KLHL20: variants seen among roughly 807,000 people sequenced by gnomAD.
KLHL20 encodes kelch like family member 20, also known as kelch-like protein 20.
In KLHL20, 29 loss-of-function variants were observed where a neutral mutation model predicts 69.5. That is an observed-to-expected ratio of 0.42 (90% CI 0.31 to 0.57). The LOEUF (loss-of-function observed/expected upper bound fraction) is 0.57. Among genes scored for constraint, KLHL20 ranks in the 20% least tolerant of loss-of-function variants. The pLI, the probability that KLHL20 is intolerant of heterozygous loss-of-function variation, is 0.18. For synonymous variants in KLHL20, 253 were observed against 265.2 expected (o/e 0.95, Z 0.45); for missense variants, 419 against 776.0 (o/e 0.54, Z 5.47).
intron 3 of KLHL20, among the ~76,000 whole-genome samples, chr1:173,748,131 A>G (rs965597949): frequency 2.0e-5 from 3 of 152,082 alleles, no homozygotes; most frequent in Non-Finnish European, 4.4e-5. Context: ...GAAAAACAGA[A>G]TAACCCTATA....
intron 8 of KLHL20, among the ~76,000 whole-genome samples, chr1:173,770,447 C>T (rs1433749624): frequency 2.0e-5 from 3 of 152,122 alleles, no homozygotes; most frequent in African/African-American, 7.2e-5. Flanking sequence ...CCTGTAATCC[C>T]AGCACTTCTG....
intron 8 of KLHL20, among the ~76,000 whole-genome samples, chr1:173,773,738 G>A (rs1318557836): frequency 2.0e-5 from 3 of 151,774 alleles, no homozygotes; most frequent in Non-Finnish European, 2.9e-5. Flanking sequence ...TGCCAGCCGG[G>A]CACGGTCACT....
At chr1:173,744,137 C>A (rs1430969857) in intron 3 of KLHL20, among the ~76,000 whole-genome samples, 1 of 152,038 alleles carries the variant, frequency 6.6e-6, no homozygotes, top group East Asian at 1.9e-4. Flanking sequence ...AATGTTTGTC[C>A]ACAGCCTCAC....
rs1384756251 is a variant in KLHL20 at position 173,760,622 on chromosome 1, A to G, written c.1151+3463A>G. 5.3e-5 allele frequency among the ~76,000 whole-genome samples: 8 copies of G among 152,244 alleles called. No individual in the cohort carries two copies. In the East Asian group the frequency reaches 1.5e-3, roughly 29 times the overall value. ...AATTTCGTATCCAGTGAAACTAAGC[A>G]TCGTATGTGAACGAAAGATAAGCCG... is the stretch of plus-strand genomic sequence containing the variant. On this transcript the variant is annotated intron_variant, in intron 7 of 11. Coordinates refer to ENST00000209884, the MANE Select transcript of KLHL20 (RefSeq NM_014458.4).
At chr1:173,739,598 G>A (rs1436618100) in intron 3 of KLHL20, among the ~76,000 whole-genome samples, 1 of 150,530 alleles carries the variant, frequency 6.6e-6, no homozygotes, top group Non-Finnish European at 1.5e-5. Context: ...GTTCATAGTA[G>A]CCTTGAGTTA....
In KLHL20 at chr1:173,784,213, T is replaced by C. The variant is rs1347551776; in HGVS notation, c.1746-950T>C. 2.0e-5 allele frequency among the ~76,000 whole-genome samples: 3 copies of C among 151,886 alleles called. No homozygotes were observed. In the East Asian group the frequency reaches 5.8e-4, roughly 29 times the overall value. On this transcript the variant is annotated intron_variant, in intron 11 of 11. Transcript: ENST00000209884. The stretch of plus-strand genomic sequence containing the variant: ...CAAAGCAGGGGAGGGGGCTAGGGAG[T>C]ACAGGGAGGGGAATCTGTTTTTAAA...
intron 7 of KLHL20, among the ~76,000 whole-genome samples, chr1:173,761,732 C>A (rs1300138380): frequency 6.6e-6 from 1 of 152,158 alleles, no homozygotes; most frequent in African/African-American, 2.4e-5. Flanking sequence ...GGATACACAG[C>A]AAAGGCGGTG....
chr1:173,763,359 A>G (rs966540560), intron 7 of KLHL20, among the ~76,000 whole-genome samples: 1 of 152,194 alleles, frequency 6.6e-6, no homozygotes. Context: ...TACCACCATC[A>G]TTCTTCACAG....
intron 2 of KLHL20, among the ~76,000 whole-genome samples, chr1:173,730,065 T>C (rs554977247): frequency 1.7e-4 from 26 of 151,638 alleles, no homozygotes; most frequent in African/African-American, 5.6e-4. Context: ...AGGATTCTTA[T>C]ACACCAATAA....
At position 173,716,013 on chromosome 1, in the gene KLHL20, A is replaced by G. The variant is rs754655692; in HGVS notation, c.-31A>G. On this transcript the variant is annotated 5_prime_UTR_variant, in exon 2 of 12. Coordinates refer to ENST00000209884, the MANE Select transcript of KLHL20 (RefSeq NM_014458.4). The stretch of plus-strand genomic sequence containing the variant: ...TTTCTGTTGTCTTAGGTTCGGCTTT[A>G]GAGTGTGGTGAAGGGTACTTTTCAT... The G allele has an allele frequency of 1.2e-6, 2 of 1,612,146 alleles. No individual in the cohort carries two copies. The highest frequency in any genetic ancestry group is 1.7e-6 in the Non-Finnish European group (2 of 1,178,742).
intron 2 of KLHL20, 55 bp downstream of exon 2, chr1:173,716,121 T>C: frequency 6.4e-7 from 1 of 1,558,924 alleles, no homozygotes; most frequent in Non-Finnish European, 8.8e-7. Context: ...CAGCATGTAA[T>C]AATTTAAATT....
At chr1:173,738,665 C>T (rs1672650730) in intron 3 of KLHL20, among the ~76,000 whole-genome samples, 2 of 152,056 alleles carry the variant, frequency 1.3e-5, no homozygotes, top group Non-Finnish European at 2.9e-5. Context: ...AAGGTATGTC[C>T]CTTCTATGCC....
intron 10 of KLHL20, among the ~76,000 whole-genome samples, chr1:173,777,644 C>G (rs1169815759): frequency 6.6e-6 from 1 of 152,172 alleles, no homozygotes; most frequent in African/African-American, 2.4e-5. Context: ...TTATCAAATG[C>G]TTTTTCAGCA....
intron 2 of KLHL20, among the ~76,000 whole-genome samples, chr1:173,720,346 A>G (rs149645610): frequency 1.3e-3 from 200 of 152,132 alleles, no homozygotes; most frequent in African/African-American, 4.6e-3. Flanking sequence ...AAAAAAGATA[A>G]GAGAGAGTAC....
At chr1:173,731,696 A>G (rs1207897524) in intron 2 of KLHL20, among the ~76,000 whole-genome samples, 2 of 131,520 alleles carry the variant, frequency 1.5e-5, no homozygotes, top group Admixed American at 8.6e-5. Context: ...GAAGGGGAAC[A>G]TCACACACCA....
chr1:173,767,878 C>G (rs1358339251), intron 8 of KLHL20, among the ~76,000 whole-genome samples: 1 of 152,084 alleles, frequency 6.6e-6, no homozygotes, highest in Non-Finnish European at 1.5e-5. Flanking sequence ...CATGCAGAAG[C>G]CTTTTTGTTT....
At chr1:173,727,316 A>G (rs1672024106) in intron 2 of KLHL20, among the ~76,000 whole-genome samples, 1 of 152,224 alleles carries the variant, frequency 6.6e-6, no homozygotes, top group South Asian at 2.1e-4. Context: ...ACCAAGTTGG[A>G]AAACACTCTG....
chr1:173,779,720 A>G (rs183871968), intron 10 of KLHL20, among the ~76,000 whole-genome samples: 2 of 152,154 alleles, frequency 1.3e-5, no homozygotes, highest in Non-Finnish European at 1.5e-5. Context: ...CCTTATCTAA[A>G]TTAATATTAG....
chr1:173,765,095 A>G (rs929809854), intron 7 of KLHL20, among the ~76,000 whole-genome samples: 6 of 151,868 alleles, frequency 4.0e-5, no homozygotes, highest in Non-Finnish European at 7.3e-5. Context: ...TAAATGAATC[A>G]TGCTTTTAAG....
Sources: allele counts gnomAD v4.1 joint callset (sites outside exome capture counted in the v4.1 genomes callset), GRCh38; gene constraint gnomAD v4.1.1; transcripts MANE v1.5; gene names NCBI Gene and HGNC (gene_info 2026-07-23, HGNC 2026-07-21).